The following SRPK1 variants were observed in gnomAD, a reference collection of about 807,000 sequenced individuals.
SRPK1 encodes the protein SFRS protein kinase 1.
SRPK1 carries 52 observed loss-of-function variants against 89.5 expected under a neutral mutation model. That is an observed-to-expected ratio of 0.58 (90% CI 0.46 to 0.73). SRPK1 has a LOEUF of 0.73. Among genes scored for constraint, SRPK1 ranks in the 30% least tolerant of loss-of-function variants. The pLI, the probability that SRPK1 is intolerant of heterozygous loss-of-function variation, is 0.00. For missense variants in SRPK1, 603 were observed against 780.6 expected, an observed-to-expected ratio of 0.77 and a Z score of 2.71; for synonymous variants, 255 against 270.2, an observed-to-expected ratio of 0.94 and a Z score of 0.55.
In SRPK1 at chr6:35,852,555, T is replaced by G. The variant is rs560580256; in HGVS notation, c.1620+4706A>C. On this transcript the variant is annotated intron_variant, in intron 13 of 15. Coordinates refer to ENST00000373825, the MANE Select transcript of SRPK1 (RefSeq NM_003137.5). ...AATCCAGCCTCCAGTGACTTACTGC[T>G]GTTGAATAAAGGTGACAATCTTTGG... is the stretch of plus-strand genomic sequence containing the variant. Among the ~76,000 whole-genome samples the G allele has an allele frequency of 1.4e-4, 21 of 152,320 alleles. No individual in the cohort carries two copies. The South Asian group carries it at 2.5e-3, about 18-fold the overall frequency.
chr6:35,854,416 T>C (rs1287113962), intron 13 of SRPK1, among the ~76,000 whole-genome samples: 2 of 152,230 alleles, frequency 1.3e-5, no homozygotes, highest in Non-Finnish European at 2.9e-5. Context: ...ACTTCCGATA[T>C]TCCAGAATTT....
chr6:35,837,746 C>G lies in SRPK1; in HGVS notation c.1783+591G>C, dbSNP rs967442008. On this transcript the variant is annotated intron_variant, in intron 15 of 15. Transcript: ENST00000373825. The stretch of plus-strand genomic sequence containing the variant: ...AATTAAAAATTTTTTTTTGTAGAGA[C>G]AGGGTTTTCCTGTGCTGCCCAGGCT... Among the ~76,000 whole-genome samples, 22 of 152,010 alleles carry G rather than the reference C, an allele frequency of 1.4e-4. No homozygotes were observed. In the South Asian group the frequency reaches 1.5e-3, roughly 10 times the overall value.
At chr6:35,900,719 T>C (rs1702551223) in intron 2 of SRPK1, among the ~76,000 whole-genome samples, 1 of 152,142 alleles carries the variant, frequency 6.6e-6, no homozygotes. Context: ...TGTTGTGACA[T>C]TTGAGTAAGG....
intron 12 of SRPK1, among the ~76,000 whole-genome samples, chr6:35,859,279 G>A (rs1402279914): frequency 6.6e-6 from 1 of 152,056 alleles, no homozygotes; most frequent in Non-Finnish European, 1.5e-5. Flanking sequence ...GTGATATAAA[G>A]GTAAATACTG....
In SRPK1 at chr6:35,908,607, G is replaced by C. The variant is rs141910955; in HGVS notation, c.74+11861C>G. On this transcript the variant is annotated intron_variant, in intron 2 of 15. Coordinates refer to ENST00000373825, the MANE Select transcript of SRPK1 (RefSeq NM_003137.5). ...TTCAGAAAGAAATCATTTGAAATTG[G>C]GACTTATGTTTAAAAGTGAAACAAA... Among the ~76,000 whole-genome samples, 263 of 152,298 alleles carry C rather than the reference G, an allele frequency of 1.7e-3. 6 individuals are homozygous for C. The South Asian group carries it at 0.026, about 15-fold the overall frequency.
chr6:35,855,477 TTCTC>T (rs1769647245), intron 13 of SRPK1, among the ~76,000 whole-genome samples: 1 of 152,196 alleles, frequency 6.6e-6, no homozygotes, highest in South Asian at 2.1e-4. Context: ...TCTGCCCTCT[TTCTC>T]AAGTTTTTCC....
At chr6:35,835,932 A>G (rs1769168623) in intron 15 of SRPK1, among the ~76,000 whole-genome samples, 1 of 152,234 alleles carries the variant, frequency 6.6e-6, no homozygotes, top group Non-Finnish European at 1.5e-5. Context: ...GTGAGGCAGT[A>G]AAGTTAAAAC....
rs544569218 is a variant in SRPK1 at position 35,867,119 on chromosome 6, A to G, written c.1512+1891T>C. On this transcript the variant is annotated intron_variant, in intron 12 of 15. Transcript: ENST00000373825. ...GACTTCACCACAATGCAATATATCA[A>G]CCTAGCAAAACTGCACTTATACCTC... 3.3e-5 allele frequency among the ~76,000 whole-genome samples: 5 copies of G among 152,294 alleles called. No homozygotes were observed. The South Asian group carries it at 1.0e-3, about 32-fold the overall frequency.
chr6:35,861,867 TCA>T, intron 12 of SRPK1, among the ~76,000 whole-genome samples: 1 of 152,288 alleles, frequency 6.6e-6, no homozygotes, highest in Non-Finnish European at 1.5e-5. Context: ...ACCTACCCTC[TCA>T]GTCACAGGCC....
intron 13 of SRPK1, among the ~76,000 whole-genome samples, chr6:35,854,012 G>A (rs1041105085): frequency 6.6e-6 from 1 of 151,630 alleles, no homozygotes; most frequent in African/African-American, 2.4e-5. Context: ...GTGCAGTGGT[G>A]TGATCTCAGC....
At chr6:35,884,158 T>C (rs1326839134) in intron 6 of SRPK1, among the ~76,000 whole-genome samples, 1 of 151,794 alleles carries the variant, frequency 6.6e-6, no homozygotes, top group Non-Finnish European at 1.5e-5. Context: ...TAAGAGGAGC[T>C]AGCAAAACAG....
At position 35,870,966 on chromosome 6, in the gene SRPK1, A is replaced by T. The variant is rs1448019453; in HGVS notation, c.752-7T>A. ...GGCTGGGGAGCAGTACTGACTGAAA[A>T]GAAAAGAAAACCAAGTAAGAATTCT... is the stretch of plus-strand genomic sequence containing the variant. On this transcript the variant is annotated splice_polypyrimidine_tract_variant and splice_region_variant and intron_variant, in intron 8 of 15. Coordinates refer to ENST00000373825, the MANE Select transcript of SRPK1 (RefSeq NM_003137.5). 2 of 1,606,404 alleles carry T rather than the reference A, an allele frequency of 1.2e-6. No individual in the cohort carries two copies. The highest frequency in any genetic ancestry group is 4.5e-5 in the East Asian group (2 of 44,808).
rs1350377364 is a variant in SRPK1 at position 35,833,151 on chromosome 6, T to C, written c.*2153A>G. ...ATTTTTAACTGACAGCAAATAGAAA[T>C]CCTTTAGTGAGATCGTGGCAATTTG... On this transcript the variant is annotated 3_prime_UTR_variant, in exon 16 of 16. Coordinates refer to ENST00000373825, the MANE Select transcript of SRPK1 (RefSeq NM_003137.5). The C allele has an allele frequency of 1.3e-5, 2 of 152,594 alleles. No individual in the cohort carries two copies. Among genetic ancestry groups the C allele is most frequent in the African/African-American group, 2.4e-5 (1 of 41,432 alleles). The allele number at this position is 152,594 out of a possible 1,614,324, so 9.5% of individuals were successfully genotyped here. A position where few individuals can be genotyped will look rare whatever the true frequency, so the allele number is the denominator to read the frequency against.
chr6:35,920,347 G>A (rs1771205670), intron 2 of SRPK1, 121 bp downstream of exon 2: 2 of 1,056,374 alleles, frequency 1.9e-6, no homozygotes, highest in African/African-American at 1.6e-5. Flanking sequence ...GAGCTGCCCC[G>A]AGGCCATGTG....
intron 2 of SRPK1, among the ~76,000 whole-genome samples, chr6:35,914,879 A>G (rs984948524): frequency 6.6e-6 from 1 of 151,884 alleles, no homozygotes; most frequent in Non-Finnish European, 1.5e-5. Context: ...GCTCACTACA[A>G]TCTCCACCTC....
At chr6:35,920,372 G>C (rs1022086763) in intron 2 of SRPK1, 96 bp downstream of exon 2, 6 of 1,404,350 alleles carry the variant, frequency 4.3e-6, no homozygotes, top group Non-Finnish European at 6.0e-6. Flanking sequence ...CAGCCACAGG[G>C]TGCCCAAACC....
chr6:35,869,412 T>G lies in SRPK1; in HGVS notation c.1411+70A>C, dbSNP rs919661212. 4 of 1,520,788 alleles carry G rather than the reference T, an allele frequency of 2.6e-6. No homozygotes were observed. The African/African-American group carries it at 5.5e-5, about 21-fold the overall frequency. The allele number at this position is 1,520,788 out of a possible 1,614,324, so 94.2% of individuals were successfully genotyped here. On this transcript the variant is annotated intron_variant, in intron 11 of 15. Coordinates refer to ENST00000373825, the MANE Select transcript of SRPK1 (RefSeq NM_003137.5). Reference sequence around the variant, plus strand: ...GCTATAGTTACAAAAACAATCATACTTTTAGTCTAGAAATCTGTGAATGTG... The same window carrying G: ...GCTATAGTTACAAAAACAATCATACGTTTAGTCTAGAAATCTGTGAATGTG...
intron 12 of SRPK1, among the ~76,000 whole-genome samples, chr6:35,864,292 A>G (rs1769847907): frequency 6.6e-6 from 1 of 152,150 alleles, no homozygotes; most frequent in Admixed American, 6.5e-5. Flanking sequence ...CAAATTACCC[A>G]TCTGATAGGG....
intron 13 of SRPK1, among the ~76,000 whole-genome samples, chr6:35,853,199 A>G (rs1236610924): frequency 6.6e-6 from 1 of 152,110 alleles, no homozygotes; most frequent in Non-Finnish European, 1.5e-5. Flanking sequence ...TGAACCCAGG[A>G]GTTTGGGGTT....
Sources: gnomAD v4.1 joint callset for allele counts (sites outside exome capture counted in the v4.1 genomes callset) on GRCh38, gnomAD v4.1.1 for gene constraint, MANE v1.5 for transcripts, NCBI Gene and HGNC (gene_info 2026-07-23, HGNC 2026-07-21) for gene names.